The following CHN2 variants were observed in gnomAD, a reference collection of about 807,000 sequenced individuals.
CHN2 encodes chimerin 2.
In CHN2, 35 loss-of-function variants were observed where a neutral mutation model predicts 56.3. The ratio of observed to expected loss-of-function variants is 0.62; its 90% CI spans 0.47 to 0.82. CHN2 has a LOEUF of 0.82. Ranked by LOEUF, CHN2 falls within the 40% of genes least tolerant of loss-of-function variation. The pLI is 0.00. For synonymous variants in CHN2, 210 were observed against 212.8 expected (o/e 0.99, Z 0.12); for missense variants, 491 against 580.5 (o/e 0.85, Z 1.58).
At chr7:29,479,701 T>C in intron 6 of CHN2, 1 of 1,046,746 alleles carries the variant, frequency 9.6e-7, no homozygotes, top group Non-Finnish European at 1.2e-6. Context: ...GGCTGGGGGG[T>C]GTGTGCGCTG....
At chr7:29,365,710 G>C (rs1267944637) in intron 2 of CHN2, among the ~76,000 whole-genome samples, 1 of 152,198 alleles carries the variant, frequency 6.6e-6, no homozygotes, top group Non-Finnish European at 1.5e-5. Flanking sequence ...CAGAGAGCAT[G>C]ACACATGGTA....
At chr7:29,159,164 C>A (rs924530836) in intron 2 of CHN2, among the ~76,000 whole-genome samples, 1 of 152,174 alleles carries the variant, frequency 6.6e-6, no homozygotes, top group African/African-American at 2.4e-5. Context: ...GTGCAGACTC[C>A]TGCAAGCAGA....
chr7:29,437,597 C>CA (rs11436612), intron 6 of CHN2, among the ~76,000 whole-genome samples: 14,829 of 52,422 alleles, frequency 0.28, 2,771 homozygotes, highest in Middle Eastern at 0.46. Context: ...GACTCCGTCT[C>CA]AAAAAAAAAA....
At chr7:29,173,045 C>G (rs1022222122) in intron 2 of CHN2, among the ~76,000 whole-genome samples, 2 of 150,960 alleles carry the variant, frequency 1.3e-5, no homozygotes, top group South Asian at 2.1e-4. Context: ...GAAGGAGAAT[C>G]GCTTGAACCC....
At chr7:29,402,936 A>G (rs6973247) in intron 6 of CHN2, among the ~76,000 whole-genome samples, 7,254 of 151,574 alleles carry the variant, frequency 0.048, 318 homozygotes, top group African/African-American at 0.12. Flanking sequence ...ATCACTTTGA[A>G]TGAGCCACCC....
chr7:29,396,168 C>T (rs1801722673), intron 4 of CHN2, among the ~76,000 whole-genome samples: 1 of 152,050 alleles, frequency 6.6e-6, no homozygotes, highest in Non-Finnish European at 1.5e-5. Context: ...TTTGACTGGG[C>T]ACAGTGGCTC....
chr7:29,247,848 T>C (rs867407459), intron 1 of CHN2, among the ~76,000 whole-genome samples: 3 of 152,250 alleles, frequency 2.0e-5, no homozygotes, highest in Non-Finnish European at 4.4e-5. Context: ...CCCCAAATCC[T>C]CTCTGCTCTT....
chr7:29,372,563 C>A (rs886123005), intron 3 of CHN2, among the ~76,000 whole-genome samples: 3 of 151,890 alleles, frequency 2.0e-5, no homozygotes, highest in African/African-American at 7.3e-5. Flanking sequence ...CATAGCCAAG[C>A]AACAGTGGGG....
At chr7:29,157,990 A>G (rs1054997569) in intron 2 of CHN2, among the ~76,000 whole-genome samples, 1 of 152,208 alleles carries the variant, frequency 6.6e-6, no homozygotes, top group Non-Finnish European at 1.5e-5. Flanking sequence ...ATGGTTCCAA[A>G]GAGAAACGGA....
intron 8 of CHN2, among the ~76,000 whole-genome samples, chr7:29,497,115 A>G (rs907771444): frequency 6.6e-6 from 1 of 152,182 alleles, no homozygotes; most frequent in Non-Finnish European, 1.5e-5. Context: ...GGATGGTTCA[A>G]GTAGTTCCAC....
rs144386045 is a variant in CHN2, at chr7:29,396,853, G to T, written c.177-1520G>T. 1,089 of 152,876 alleles carry T rather than the reference G, an allele frequency of 7.1e-3. 7 individuals are homozygous for T. The highest frequency in any genetic ancestry group is 0.012 in the Non-Finnish European group (794 of 68,578). The allele number at this position is 152,876 out of a possible 1,614,324, so 9.5% of individuals were successfully genotyped here. On this transcript the variant is annotated intron_variant, in intron 4 of 12. Coordinates refer to ENST00000222792, the MANE Select transcript of CHN2 (RefSeq NM_004067.4). ...AGGAGGCTCCTCCGCAAAGTTCCTA[G>T]GTCCAGTGACCTCACTATCAAAGCT...
intron 1 of CHN2, among the ~76,000 whole-genome samples, chr7:29,250,021 AC>A: frequency 6.6e-6 from 1 of 152,348 alleles, no homozygotes; most frequent in Middle Eastern, 3.4e-3. Flanking sequence ...CCAAGACCTT[AC>A]CGACTTAACC....
intron 1 of CHN2, among the ~76,000 whole-genome samples, chr7:29,227,353 T>A (rs931075016): frequency 1.9e-4 from 29 of 152,202 alleles, no homozygotes; most frequent in African/African-American, 6.0e-4. Context: ...CATCATTAAA[T>A]TGTTCCTTGT....
At chr7:29,472,500 G>A (rs2128529735) in intron 6 of CHN2, among the ~76,000 whole-genome samples, 1 of 152,230 alleles carries the variant, frequency 6.6e-6, no homozygotes, top group South Asian at 2.1e-4. Context: ...AACATTTTGT[G>A]GCTTTGGGGA....
chr7:29,390,222 T>A lies in CHN2; in HGVS notation c.145-3457T>A, dbSNP rs574404368. On this transcript the variant is annotated intron_variant, in intron 3 of 12. Transcript: ENST00000222792. ...GGTGTTCCTTTTTGAGCCAGCTGGA[T>A]CATCTAAGGACCCAGTATTAGAAGA... is the stretch of plus-strand genomic sequence containing the variant. Among the ~76,000 whole-genome samples, 6 of 152,274 alleles carry A rather than the reference T, an allele frequency of 3.9e-5. No individual in the cohort carries two copies. The South Asian group carries it at 1.2e-3, about 32-fold the overall frequency.
intron 1 of CHN2, among the ~76,000 whole-genome samples, chr7:29,210,473 C>T (rs986906228): frequency 1.3e-5 from 2 of 152,012 alleles, no homozygotes; most frequent in Admixed American, 6.6e-5. Context: ...TCCATATGTA[C>T]TTATTATTTA....
At chr7:29,493,411 C>G (rs531978541) in intron 7 of CHN2, among the ~76,000 whole-genome samples, 112 of 152,288 alleles carry the variant, frequency 7.4e-4, no homozygotes, top group African/African-American at 2.6e-3. Context: ...TTCATTCACA[C>G]AATTTTAAAT....
intron 3 of CHN2, among the ~76,000 whole-genome samples, chr7:29,385,885 G>A (rs551012881): frequency 6.6e-6 from 1 of 152,306 alleles, no homozygotes; most frequent in Non-Finnish European, 1.5e-5. Context: ...TGATCTACTT[G>A]TTTGCATCTG....
chr7:29,384,251 A>G (rs930926929), intron 3 of CHN2, among the ~76,000 whole-genome samples: 4 of 152,214 alleles, frequency 2.6e-5, no homozygotes, highest in African/African-American at 7.2e-5. Flanking sequence ...AGTGTTCTCT[A>G]TAAGTACATT....
Sources: allele counts gnomAD v4.1 joint callset (sites outside exome capture counted in the v4.1 genomes callset), GRCh38; gene constraint gnomAD v4.1.1; transcripts MANE v1.5; gene names NCBI Gene and HGNC (gene_info 2026-07-23, HGNC 2026-07-21).